The following SLC35F4 variants were observed in gnomAD, a reference collection of about 807,000 sequenced individuals.
SLC35F4 encodes the protein chromosome 14 open reading frame 36.
SLC35F4 carries 24 observed loss-of-function variants against 44.2 expected under a neutral mutation model. The ratio of observed to expected loss-of-function variants is 0.54; its 90% confidence interval spans 0.39 to 0.76. The LOEUF (loss-of-function observed/expected upper bound fraction) is 0.76, where lower values mean the gene tolerates loss of function less well. Ranked by LOEUF, SLC35F4 falls within the 30% of genes least tolerant of loss-of-function variation. The probability of loss-of-function intolerance (pLI) is 0.00; values close to 1 mark genes in which losing one functional copy is unlikely to be tolerated. For synonymous variants in SLC35F4, 238 were observed against 223.6 expected (o/e 1.06, Z -0.57); for missense variants, 562 against 586.1 (o/e 0.96, Z 0.42).
chr14:57,659,736 CATT>C (rs1338207486), intron 1 of SLC35F4, among the ~76,000 whole-genome samples: 20 of 152,176 alleles, frequency 1.3e-4, no homozygotes, highest in African/African-American at 4.6e-4. Flanking sequence ...CTTTCACCAT[CATT>C]ATTTACATAA....
intron 1 of SLC35F4, among the ~76,000 whole-genome samples, chr14:57,822,336 C>G (rs1337593907): frequency 6.6e-6 from 1 of 152,128 alleles, no homozygotes; most frequent in Non-Finnish European, 1.5e-5. Context: ...CAACACTTAA[C>G]ACTAAAATAA....
At chr14:57,655,339 T>C (rs1340418199) in intron 1 of SLC35F4, among the ~76,000 whole-genome samples, 2 of 152,074 alleles carry the variant, frequency 1.3e-5, no homozygotes, top group African/African-American at 2.4e-5. Flanking sequence ...GAGAACAAGA[T>C]AGTGTCTGTT....
intron 4 of SLC35F4, among the ~76,000 whole-genome samples, chr14:57,574,803 C>T (rs947813751): frequency 1.3e-5 from 2 of 152,094 alleles, no homozygotes; most frequent in African/African-American, 2.4e-5. Context: ...AGAGTAAATA[C>T]TCTTTAGATG....
chr14:57,675,533 A>G (rs971748642), intron 1 of SLC35F4, among the ~76,000 whole-genome samples: 1 of 152,060 alleles, frequency 6.6e-6, no homozygotes, highest in African/African-American at 2.4e-5. Flanking sequence ...TGCTCTAACC[A>G]GGACTTCCAG....
intron 1 of SLC35F4, chr14:57,596,239 C>A: frequency 6.4e-6 from 1 of 155,892 alleles, no homozygotes; most frequent in Admixed American, 6.4e-5. Flanking sequence ...TTTACAGTTA[C>A]TCAGAAAGTT....
chr14:57,897,083 C>T (rs1888890272), intron 1 of SLC35F4, among the ~76,000 whole-genome samples: 4 of 152,138 alleles, frequency 2.6e-5, no homozygotes. Flanking sequence ...TAGTCACCTA[C>T]ATATTGGTCC....
chr14:57,828,246 T>A (rs1883997054), intron 1 of SLC35F4, among the ~76,000 whole-genome samples: 2 of 152,078 alleles, frequency 1.3e-5, no homozygotes, highest in Admixed American at 6.6e-5. Context: ...AGATCTCCAT[T>A]TGATTGGTCT....
At chr14:57,729,501 C>G (rs1260263702) in intron 1 of SLC35F4, among the ~76,000 whole-genome samples, 4 of 152,144 alleles carry the variant, frequency 2.6e-5, no homozygotes, top group African/African-American at 9.7e-5. Flanking sequence ...AGTGGGTTGC[C>G]AGTTAGCCCA....
intron 1 of SLC35F4, among the ~76,000 whole-genome samples, chr14:57,964,991 A>AAAATATATATATATAT (rs1555331532): frequency 3.5e-5 from 4 of 115,676 alleles, no homozygotes; most frequent in African/African-American, 1.1e-4. Context: ...AAAAAAAAAA[A>AAAATATATATATATAT]ATATATATAT....
chr14:57,836,413 C>A (rs951523595), intron 1 of SLC35F4, among the ~76,000 whole-genome samples: 1 of 152,174 alleles, frequency 6.6e-6, no homozygotes, highest in African/African-American at 2.4e-5. Flanking sequence ...CTGCCTCAGC[C>A]TCCCGAGTAG....
chr14:57,674,876 C>T (rs2074638846), intron 1 of SLC35F4, among the ~76,000 whole-genome samples: 1 of 150,946 alleles, frequency 6.6e-6, no homozygotes, highest in South Asian at 2.1e-4. Flanking sequence ...CTTAGTGAAC[C>T]TGCATCTTCT....
At chr14:57,678,263 C>G (rs1038300016) in intron 1 of SLC35F4, among the ~76,000 whole-genome samples, 3 of 152,038 alleles carry the variant, frequency 2.0e-5, no homozygotes, top group Non-Finnish European at 2.9e-5. Context: ...AATTTCATAT[C>G]CAGCCAAACT....
intron 1 of SLC35F4, among the ~76,000 whole-genome samples, chr14:57,682,872 T>C (rs1261882036): frequency 6.6e-6 from 1 of 152,124 alleles, no homozygotes; most frequent in Non-Finnish European, 1.5e-5. Context: ...TCTATTAAAT[T>C]AATGCACTCC....
intron 1 of SLC35F4, among the ~76,000 whole-genome samples, chr14:57,833,383 C>G (rs890800116): frequency 6.6e-6 from 1 of 152,224 alleles, no homozygotes; most frequent in African/African-American, 2.4e-5. Flanking sequence ...TTTGCACCCC[C>G]AGAGGATCTG....
chr14:57,887,057 T>C (rs980862523), intron 1 of SLC35F4, among the ~76,000 whole-genome samples: 11 of 152,170 alleles, frequency 7.2e-5, no homozygotes. Flanking sequence ...TAAAGGTCTG[T>C]ATGCACAGAG....
chr14:57,895,370 C>G lies in SLC35F4; in HGVS notation n.282+86543G>C, dbSNP rs146032612. Among the ~76,000 whole-genome samples the G allele has an allele frequency of 2.0e-3, 310 of 152,172 alleles. 2 individuals are homozygous for G. The highest frequency in any genetic ancestry group is 7.2e-3 in the African/African-American group (297 of 41,530). ...CCAGATATCCAGGTATCTTGGAAGA[C>G]AGTCAGTAATTAGCTCTCTCAGTAA... On this transcript the variant is annotated intron_variant and non_coding_transcript_variant, in intron 1 of 1. Coordinates refer to the SLC35F4 transcript ENST00000556568.
intron 1 of SLC35F4, among the ~76,000 whole-genome samples, chr14:57,680,327 T>C (rs1209409440): frequency 6.6e-6 from 1 of 152,116 alleles, no homozygotes; most frequent in East Asian, 1.9e-4. Context: ...TCAACAGCCC[T>C]TCATGCTAAA....
rs778677241 is a variant in SLC35F4 at position 57,720,041 on chromosome 14, G to A, written c.104-125917C>T. 2.0e-5 allele frequency among the ~76,000 whole-genome samples: 3 copies of A among 152,082 alleles called. No individual in the cohort carries two copies. In the South Asian group the frequency reaches 6.2e-4, roughly 32 times the overall value. ...GAAGATATGTTAAACTTTTTCAAAT[G>A]CTTTATCAGCAACAGTTGAAATGAT... On this transcript the variant is annotated intron_variant, in intron 1 of 7. Coordinates refer to ENST00000556826, the MANE Select transcript of SLC35F4 (RefSeq NM_001306087.2).
chr14:57,826,949 G>A (rs1883839090), intron 1 of SLC35F4, among the ~76,000 whole-genome samples: 1 of 152,126 alleles, frequency 6.6e-6, no homozygotes, highest in Non-Finnish European at 1.5e-5. Flanking sequence ...AGACAGTGTG[G>A]TAATTCCTCA....
Sources: allele counts gnomAD v4.1 joint callset (sites outside exome capture counted in the v4.1 genomes callset), GRCh38; gene constraint gnomAD v4.1.1; transcripts MANE v1.5; gene names NCBI Gene and HGNC (gene_info 2026-07-23, HGNC 2026-07-21).